Variants in TMPRSS7 observed in about 807,000 individuals in gnomAD.
The protein encoded by TMPRSS7 is transmembrane serine protease 7.
TMPRSS7 carries 81 observed loss-of-function variants against 95.6 expected under a neutral mutation model. The observed-to-expected ratio is 0.85, with a 90% CI of 0.71 to 1.02. TMPRSS7 has a LOEUF of 1.02. Ranked by LOEUF, TMPRSS7 falls within the 50% of genes least tolerant of loss-of-function variation. The probability of loss-of-function intolerance (pLI) is 0.00; values close to 1 mark genes in which losing one functional copy is unlikely to be tolerated. For missense variants in TMPRSS7, 945 were observed against 955.2 expected, an observed-to-expected ratio of 0.99 and a Z score of 0.14; for synonymous variants, 364 against 337.8, an observed-to-expected ratio of 1.08 and a Z score of -0.85.
At chr3:112,035,304 A>G (rs1188188399) in intron 1 of TMPRSS7, among the ~76,000 whole-genome samples, 2 of 152,210 alleles carry the variant, frequency 1.3e-5, no homozygotes, top group Admixed American at 1.3e-4. Flanking sequence ...AACTCATTCT[A>G]CAATGGAATG....
exon 16 of TMPRSS7, chr3:112,077,029 C>G (rs774870852): frequency 6.2e-7 from 1 of 1,614,180 alleles, no homozygotes. Context: ...TCAGTATTGC[C>G]TGGCCTGAGA....
At chr3:112,038,076 C>A (rs1370712965) in exon 2 of TMPRSS7, 1 of 701,246 alleles carries the variant, frequency 1.4e-6, no homozygotes, top group Admixed American at 2.0e-5. Context: ...TTGAAGATAT[C>A]CAATATCTCA....
chr3:112,055,833 T>G (rs2073426549), intron 9 of TMPRSS7, among the ~76,000 whole-genome samples: 1 of 152,166 alleles, frequency 6.6e-6, no homozygotes, highest in African/African-American at 2.4e-5. Flanking sequence ...CGTCAATTGT[T>G]TATGCAGCAA....
intron 12 of TMPRSS7, among the ~76,000 whole-genome samples, chr3:112,064,403 C>A (rs1358866800): frequency 6.6e-6 from 1 of 151,560 alleles, no homozygotes; most frequent in Non-Finnish European, 1.5e-5. Context: ...GGTTAGAGTG[C>A]AGTGGCACAA....
In TMPRSS7 at chr3:112,038,426, T is replaced by G. The variant is rs2073171902; in HGVS notation, c.298+105T>G. On this transcript the variant is annotated intron_variant, in intron 2 of 17. Transcript: ENST00000452346. ...ATAGGTATTTCTGATGGGATTTTCC[T>G]TTTTCCAATATGGATACACCATTTC... The G allele has an allele frequency of 6.5e-6, 4 of 611,598 alleles. No individual in the cohort carries two copies. The East Asian group carries it at 1.1e-4, about 17-fold the overall frequency. The allele number at this position is 611,598 out of a possible 1,614,324, so 37.9% of individuals were successfully genotyped here.
chr3:112,063,389 A>G (rs1473020790), intron 11 of TMPRSS7, 136 bp from the exon 12 acceptor site: 2 of 663,138 alleles, frequency 3.0e-6, no homozygotes, highest in African/African-American at 1.8e-5. Flanking sequence ...CCTTCATTTG[A>G]TGAAGACACT....
intron 10 of TMPRSS7, 34 bp downstream of exon 10, chr3:112,057,165 C>A: frequency 6.8e-7 from 1 of 1,471,142 alleles, no homozygotes; most frequent in Non-Finnish European, 9.5e-7. Flanking sequence ...ATATGTGAGG[C>A]ATCTGATGAA....
intron 16 of TMPRSS7, among the ~76,000 whole-genome samples, chr3:112,077,464 C>T (rs1156868442): frequency 6.6e-6 from 1 of 152,160 alleles, no homozygotes; most frequent in Non-Finnish European, 1.5e-5. Context: ...AGCAATTCCT[C>T]CCTTTTCATT....
chr3:112,051,567 G>GTATC (rs539421531), intron 9 of TMPRSS7, among the ~76,000 whole-genome samples: 1 of 119,814 alleles, frequency 8.3e-6, no homozygotes, highest in African/African-American at 3.1e-5. Context: ...ATCTATCTAT[G>GTATC]TATCTATCTA....
exon 8 of TMPRSS7, chr3:112,049,857 A>G: frequency 6.5e-7 from 1 of 1,528,924 alleles, no homozygotes; most frequent in Non-Finnish European, 8.9e-7. Flanking sequence ...TTGTGAACCC[A>G]CAAGAACATT....
chr3:112,061,816 C>A, exon 11 of TMPRSS7: 1 of 1,610,232 alleles, frequency 6.2e-7, no homozygotes, highest in South Asian at 1.1e-5. Context: ...GATCATCAGA[C>A]AATTTTTCGA....
chr3:112,045,922 A>C, exon 5 of TMPRSS7: 2 of 1,551,682 alleles, frequency 1.3e-6, no homozygotes, highest in East Asian at 2.4e-5. Flanking sequence ...GGCTGTGGAC[A>C]TGGACTCTGT....
chr3:112,076,036 G>T (rs1037483272), intron 15 of TMPRSS7, among the ~76,000 whole-genome samples: 1 of 152,058 alleles, frequency 6.6e-6, no homozygotes, highest in Non-Finnish European at 1.5e-5. Flanking sequence ...TAGGATTTGT[G>T]TTAATTATTA....
chr3:112,065,562 T>A (rs1198790557), intron 12 of TMPRSS7, among the ~76,000 whole-genome samples: 1 of 152,200 alleles, frequency 6.6e-6, no homozygotes, highest in South Asian at 2.1e-4. Context: ...TAATCATTAT[T>A]CCTCATTGTG....
intron 10 of TMPRSS7, 104 bp from the exon 11 acceptor site, chr3:112,061,683 T>G (rs1353203706): frequency 7.6e-7 from 1 of 1,317,564 alleles, no homozygotes; most frequent in Non-Finnish European, 1.0e-6. Flanking sequence ...CGCATCTCTG[T>G]TTGTGAAAAC....
intron 12 of TMPRSS7, 152 bp downstream of exon 12, chr3:112,063,784 A>G (rs1576114942): frequency 1.5e-6 from 1 of 672,574 alleles, no homozygotes; most frequent in African/African-American, 1.8e-5. Context: ...ACAATCATTT[A>G]TTCTTGATCA....
In TMPRSS7 at chr3:112,061,767, C is replaced by T; in HGVS notation, c.1311-20C>T. The stretch of plus-strand genomic sequence containing the variant: ...ACAGAACCTCAAGCTGTGTATTCTC[C>T]CCGACTCTTGTCTCCCCAGGTACTG... On this transcript the variant is annotated intron_variant, in intron 10 of 17. Coordinates refer to ENST00000452346, the Ensembl canonical transcript of TMPRSS7. 1 of 1,588,918 alleles carries T rather than the reference C, an allele frequency of 6.3e-7. No individual in the cohort carries two copies. The highest frequency in any genetic ancestry group is 2.3e-5 in the East Asian group (1 of 43,542).
intron 13 of TMPRSS7, among the ~76,000 whole-genome samples, chr3:112,071,134 A>G (rs991464799): frequency 1.3e-5 from 2 of 152,168 alleles, no homozygotes; most frequent in Admixed American, 6.5e-5. Flanking sequence ...CTTGTAAGGC[A>G]GGCCTAGTGG....
intron 9 of TMPRSS7, among the ~76,000 whole-genome samples, chr3:112,055,464 CAG>C (rs1491055250): frequency 4.5e-4 from 68 of 151,364 alleles, no homozygotes; most frequent in African/African-American, 1.2e-3. Context: ...GACACACACA[CAG>C]ACACACACAC....
Sources: gnomAD v4.1 joint callset for allele counts (sites outside exome capture counted in the v4.1 genomes callset) on GRCh38, gnomAD v4.1.1 for gene constraint, MANE v1.5 for transcripts, NCBI Gene and HGNC (gene_info 2026-07-23, HGNC 2026-07-21) for gene names.